GPC5: variants seen among roughly 807,000 people sequenced by gnomAD.
GPC5 encodes glypican 5.
Under a neutral mutation model 53.9 loss-of-function variants are expected in GPC5, and 47 were observed. The ratio of observed to expected loss-of-function variants is 0.87; its 90% CI spans 0.69 to 1.11. GPC5 has a LOEUF of 1.11. GPC5 is among the 50% of genes most tolerant of loss of function. The pLI, the probability that GPC5 is intolerant of heterozygous loss-of-function variation, is 0.00. For synonymous variants in GPC5, 286 were observed against 263.3 expected (o/e 1.09, Z -0.84); for missense variants, 748 against 713.1 (o/e 1.05, Z -0.56).
intron 7 of GPC5, among the ~76,000 whole-genome samples, chr13:92,175,059 G>A (rs1566470368): frequency 6.6e-6 from 1 of 152,134 alleles, no homozygotes; most frequent in African/African-American, 2.4e-5. Context: ...CTCCATGTTG[G>A]TCAGGCTGTT....
intron 2 of GPC5, among the ~76,000 whole-genome samples, chr13:91,665,535 C>T (rs1237076163): frequency 9.3e-6 from 1 of 107,300 alleles, no homozygotes; most frequent in Non-Finnish European, 1.7e-5. Context: ...CGGAGTCTCG[C>T]TCTGTCGCCC....
intron 6 of GPC5, among the ~76,000 whole-genome samples, chr13:92,049,631 A>G (rs2041010888): frequency 6.6e-6 from 1 of 152,180 alleles, no homozygotes; most frequent in Non-Finnish European, 1.5e-5. Context: ...TCTAAAATGC[A>G]TCAGACTATT....
chr13:92,224,298 G>A (rs974818310), intron 7 of GPC5, among the ~76,000 whole-genome samples: 1 of 152,100 alleles, frequency 6.6e-6, no homozygotes, highest in Non-Finnish European at 1.5e-5. Context: ...TGAAGCCTTA[G>A]GTAATTCTAT....
intron 7 of GPC5, among the ~76,000 whole-genome samples, chr13:92,477,341 A>G (rs1879189642): frequency 2.0e-5 from 3 of 152,148 alleles, no homozygotes; most frequent in Admixed American, 6.6e-5. Context: ...TGTTGCCACA[A>G]GAACTGAGCT....
chr13:92,330,244 A>T (rs1364057131), intron 7 of GPC5, among the ~76,000 whole-genome samples: 1 of 152,136 alleles, frequency 6.6e-6, no homozygotes, highest in Admixed American at 6.6e-5. Context: ...CCCTCTCTTC[A>T]TTGGTTAAAG....
intron 2 of GPC5, among the ~76,000 whole-genome samples, chr13:91,467,580 T>C (rs917838819): frequency 1.3e-5 from 2 of 152,176 alleles, no homozygotes; most frequent in Non-Finnish European, 2.9e-5. Flanking sequence ...TGGGTTTTTG[T>C]CTATGTTGAT....
chr13:92,857,261 C>G (rs973873765), intron 7 of GPC5, among the ~76,000 whole-genome samples: 4 of 152,068 alleles, frequency 2.6e-5, no homozygotes, highest in African/African-American at 9.7e-5. Flanking sequence ...AACTGGCTAA[C>G]CATATACAGA....
intron 6 of GPC5, among the ~76,000 whole-genome samples, chr13:92,094,072 C>T (rs1231378029): frequency 6.6e-6 from 1 of 152,038 alleles, no homozygotes; most frequent in Non-Finnish European, 1.5e-5. Flanking sequence ...GGTCAAAAAA[C>T]TGATTTTCAT....
intron 6 of GPC5, among the ~76,000 whole-genome samples, chr13:91,969,936 AC>A (rs1254476008): frequency 3.9e-5 from 6 of 152,222 alleles, no homozygotes; most frequent in Admixed American, 6.5e-5. Flanking sequence ...ATAATTTGGT[AC>A]AACGAGTATG....
intron 5 of GPC5, among the ~76,000 whole-genome samples, chr13:91,882,741 T>A (rs188346970): frequency 6.8e-6 from 1 of 147,824 alleles, no homozygotes; most frequent in East Asian, 2.0e-4. Context: ...GTATAGTTCA[T>A]CTTTGTTTAT....
At chr13:91,673,460 T>C (rs1400805220) in intron 2 of GPC5, among the ~76,000 whole-genome samples, 2 of 152,198 alleles carry the variant, frequency 1.3e-5, no homozygotes, top group African/African-American at 4.8e-5. Flanking sequence ...TGCTTCATAG[T>C]TTGTGCTATG....
At chr13:92,153,903 T>G (rs1260904439) in intron 7 of GPC5, among the ~76,000 whole-genome samples, 2 of 152,240 alleles carry the variant, frequency 1.3e-5, no homozygotes, top group Admixed American at 6.5e-5. Flanking sequence ...TGCTTCCTTA[T>G]CTGAAATTTC....
At chr13:92,829,123 C>T (rs1055854632) in intron 7 of GPC5, among the ~76,000 whole-genome samples, 20 of 152,214 alleles carry the variant, frequency 1.3e-4, no homozygotes, top group African/African-American at 4.8e-4. Flanking sequence ...TGTATGTCTA[C>T]GCAAAGCACT....
chr13:92,823,433 A>G (rs182835632), intron 7 of GPC5, among the ~76,000 whole-genome samples: 3 of 152,200 alleles, frequency 2.0e-5, no homozygotes, highest in Admixed American at 6.5e-5. Flanking sequence ...GAAAGTAAAA[A>G]GAATATGCCT....
At chr13:92,501,176 GACAA>G (rs1169881741) in intron 7 of GPC5, among the ~76,000 whole-genome samples, 3 of 152,058 alleles carry the variant, frequency 2.0e-5, no homozygotes, top group East Asian at 1.9e-4. Context: ...AGAGTAATTA[GACAA>G]ACAGTTTAAC....
chr13:92,839,076 G>T (rs2138830752), intron 7 of GPC5, among the ~76,000 whole-genome samples: 1 of 152,316 alleles, frequency 6.6e-6, no homozygotes, highest in Non-Finnish European at 1.5e-5. Flanking sequence ...CCATTCAAAT[G>T]AGTCAAGTAT....
intron 5 of GPC5, among the ~76,000 whole-genome samples, chr13:91,834,796 G>T (rs2038704332): frequency 2.0e-5 from 3 of 152,128 alleles, no homozygotes; most frequent in Admixed American, 2.0e-4. Flanking sequence ...AAAAACCTTA[G>T]AAGAAAACGT....
chr13:92,103,536 T>C (rs918317093), intron 6 of GPC5, among the ~76,000 whole-genome samples: 2 of 152,190 alleles, frequency 1.3e-5, no homozygotes, highest in Admixed American at 1.3e-4. Flanking sequence ...CTTTTTTCCT[T>C]CAGTTTTTTG....
chr13:92,301,870 C>T (rs1232700558), intron 7 of GPC5, among the ~76,000 whole-genome samples: 5 of 152,060 alleles, frequency 3.3e-5, no homozygotes, highest in Admixed American at 3.3e-4. Context: ...TGCACTCCAG[C>T]CTGGGCAACA....
Sources: gnomAD v4.1 joint callset for allele counts (sites outside exome capture counted in the v4.1 genomes callset) on GRCh38, gnomAD v4.1.1 for gene constraint, MANE v1.5 for transcripts, NCBI Gene and HGNC (gene_info 2026-07-23, HGNC 2026-07-21) for gene names.